The following CELSR1 variants were observed in gnomAD, a reference collection of about 807,000 sequenced individuals.
The protein encoded by CELSR1 is cadherin EGF LAG seven-pass G-type receptor 1.
CELSR1 carries 110 observed loss-of-function variants against 249.1 expected under a neutral mutation model. The observed-to-expected ratio is 0.44, with a 90% CI of 0.38 to 0.52. The LOEUF is 0.52. Ranked by LOEUF, CELSR1 falls within the 20% of genes least tolerant of loss-of-function variation. CELSR1 has a pLI of 0.00. For synonymous variants in CELSR1, 2,113 were observed against 1,900.0 expected, an observed-to-expected ratio of 1.11 and a Z score of -2.92; for missense variants, 4,109 against 4,296.4, an observed-to-expected ratio of 0.96 and a Z score of 1.22.
rs374356754 is a variant in CELSR1 at position 46,381,880 on chromosome 22, G to A, written c.7054C>T (p.Pro2352Ser). ...CGACGGTCGGGGTCGTAGCGCTCGG[G>A]CAGGAGCTGCCCCAGGGTGCGGTAA... ...IIYRTLGQLL[P>S]ERYDPDRRSL... Residue 2352 changes from proline to serine, a missense_variant, in exon 21 of 35, where the codon CCC becomes TCC. Pro to Ser is a moderately conservative substitution (Grantham distance 74). Around this residue, in one of 7 missense-constraint regions of CELSR1, gnomAD observed 1,805 missense variants for 1,831.6 expected, o/e 0.99. Coordinates refer to ENST00000674500, the MANE Select transcript of CELSR1 (RefSeq NM_001378328.1). This position sits in a 1 kb window ranked among gnomAD's most constrained non-coding sequence, Gnocchi z 6.0. 2.0e-4 allele frequency: 307 copies of A among 1,571,948 alleles called. No homozygotes were observed. Among genetic ancestry groups the A allele is most frequent in the Non-Finnish European group, 2.6e-4 (300 of 1,161,478 alleles).
At position 46,445,481 on chromosome 22, in the gene CELSR1, C is replaced by A. The variant is rs2079808109; in HGVS notation, c.4184-6070G>T. On this transcript the variant is annotated intron_variant, in intron 2 of 34. Transcript: ENST00000674500. The surrounding 1 kb of genome is among the most constrained non-coding windows in gnomAD (Gnocchi z 4.4). ...TTGCACTCCAGCCTGGGTGACAGAG[C>A]AAGACTGTCTCTAAAAAAATGAATA... is the stretch of plus-strand genomic sequence containing the variant. 6.6e-6 allele frequency among the ~76,000 whole-genome samples: 1 copy of A among 152,220 alleles called. No homozygotes were observed. Among genetic ancestry groups the A allele is most frequent in the East Asian group, 1.9e-4 (1 of 5,168 alleles).
chr22:46,466,185 GC>G (rs1049464692), intron 1 of CELSR1, among the ~76,000 whole-genome samples: 73 of 152,308 alleles, frequency 4.8e-4, no homozygotes, highest in African/African-American at 1.6e-3. Flanking sequence ...AACAAATGAG[GC>G]CAAAAGGCCT....
chr22:46,419,017 G>A (rs1164852607), intron 5 of CELSR1, among the ~76,000 whole-genome samples: 2 of 152,150 alleles, frequency 1.3e-5, no homozygotes, highest in Non-Finnish European at 2.9e-5. Flanking sequence ...CATGATCCCC[G>A]TGGTAGTTAA....
intron 1 of CELSR1, among the ~76,000 whole-genome samples, chr22:46,515,653 G>T (rs2080619386): frequency 6.6e-6 from 1 of 152,166 alleles, no homozygotes; most frequent in South Asian, 2.1e-4. Flanking sequence ...AGGCACAGAG[G>T]CTGAGGCTTT....
At position 46,484,250 on chromosome 22, in the gene CELSR1, G is replaced by GC. The variant is rs1352975867; in HGVS notation, c.3545-19906dup. ...AACCTGGCATCCACAGGGCCCACCAGCCCCAGCTGCTCAGTCCCAAGCAAG... is the reference window on the plus strand; with the variant it reads ...AACCTGGCATCCACAGGGCCCACCAGCCCCCAGCTGCTCAGTCCCAAGCAAG... On this transcript the variant is annotated intron_variant, in intron 1 of 34. Transcript: ENST00000674500. This position sits in a 1 kb window ranked among gnomAD's most constrained non-coding sequence, Gnocchi z 4.5. Among the ~76,000 whole-genome samples the GC allele has an allele frequency of 6.6e-6, 1 of 152,190 alleles. No individual in the cohort carries two copies. The highest frequency in any genetic ancestry group is 1.9e-4 in the East Asian group (1 of 5,154).
At position 46,433,959 on chromosome 22, in the gene CELSR1, G is replaced by A. The variant is rs557339346; in HGVS notation, c.4523-478C>T. ...TGGCCTCCCAAACTGCTGGGATAAC[G>A]GGCGTGAGCCACCGCGCCTGGCCTT... On this transcript the variant is annotated intron_variant, in intron 4 of 34. Transcript: ENST00000674500. The surrounding 1 kb of genome is among the most constrained non-coding windows in gnomAD (Gnocchi z 5.7). Among the ~76,000 whole-genome samples, 53 of 152,120 alleles carry A rather than the reference G, an allele frequency of 3.5e-4. No individual in the cohort carries two copies. Among genetic ancestry groups the A allele is most frequent in the Admixed American group, 3.0e-3 (46 of 15,294 alleles).
chr22:46,367,590 C>T, intron 28 of CELSR1, 139 bp downstream of exon 28: 1 of 1,228,380 alleles, frequency 8.1e-7, no homozygotes, highest in Non-Finnish European at 1.1e-6. Context: ...GGACTGAGTC[C>T]TCACAGCCAC....
intron 9 of CELSR1, among the ~76,000 whole-genome samples, chr22:46,404,719 C>A (rs770696535): frequency 2.6e-5 from 4 of 152,186 alleles, no homozygotes; most frequent in Non-Finnish European, 4.4e-5. Flanking sequence ...GAACTCCTGA[C>A]CTCAGGTGAT....
Position 46,396,467 on chromosome 22 carries a change from A to G in CELSR1, c.5843+138T>C. On this transcript the variant is annotated intron_variant, in intron 13 of 34. Coordinates refer to ENST00000674500, the MANE Select transcript of CELSR1 (RefSeq NM_001378328.1). This position sits in a 1 kb window ranked among gnomAD's most constrained non-coding sequence, Gnocchi z 6.4. Reference sequence around the variant, plus strand: ...TTTGATTTTCACTTAATTCATGCCAAATTAAAAAAAAATATGTCCCTGTTA... The same window carrying G: ...TTTGATTTTCACTTAATTCATGCCAGATTAAAAAAAAATATGTCCCTGTTA... 1.1e-6 allele frequency: 1 copy of G among 923,146 alleles called. No individual in the cohort carries two copies. The highest frequency in any genetic ancestry group is 1.4e-6 in the Non-Finnish European group (1 of 694,034). The allele number at this position is 923,146 out of a possible 1,614,324, so 57.2% of individuals were successfully genotyped here.
intron 1 of CELSR1, among the ~76,000 whole-genome samples, chr22:46,507,785 G>A (rs933501840): frequency 1.3e-5 from 2 of 152,216 alleles, no homozygotes; most frequent in African/African-American, 4.8e-5. Context: ...CTACAGGTGA[G>A]CACTGTGAAG....
chr22:46,373,682 A>AGAAGGGGGC (rs2078884490), intron 24 of CELSR1, among the ~76,000 whole-genome samples: 2 of 54,692 alleles, frequency 3.7e-5, no homozygotes, highest in African/African-American at 1.4e-4. Flanking sequence ...GAGATGGGGG[A>AGAAGGGGGC]GATGGGGGAG....
chr22:46,502,470 G>C (rs2080476266), intron 1 of CELSR1, among the ~76,000 whole-genome samples: 1 of 149,838 alleles, frequency 6.7e-6, no homozygotes, highest in Non-Finnish European at 1.5e-5. Flanking sequence ...GAAGGGGAAA[G>C]GGGAGGGAAG....
In CELSR1 at chr22:46,447,138, T is replaced by A. The variant is rs2079830142; in HGVS notation, c.4184-7727A>T. 6.6e-6 allele frequency among the ~76,000 whole-genome samples: 1 copy of A among 152,146 alleles called. No individual in the cohort carries two copies. The highest frequency in any genetic ancestry group is 2.4e-5 in the African/African-American group (1 of 41,446). On this transcript the variant is annotated intron_variant, in intron 2 of 34. Transcript: ENST00000674500. The surrounding 1 kb of genome is among the most constrained non-coding windows in gnomAD (Gnocchi z 4.7). ...ACCAACCCTCAGGGAGAATCCTGAA[T>A]TGGCGGCATTTGTAAACACTCCCAC...
chr22:46,485,824 A>C (rs1034815520), intron 1 of CELSR1, among the ~76,000 whole-genome samples: 3 of 152,016 alleles, frequency 2.0e-5, no homozygotes, highest in Non-Finnish European at 4.4e-5. Flanking sequence ...TGCAAACGTG[A>C]ACCCGTTTTG....
At position 46,394,199 on chromosome 22, in the gene CELSR1, G is replaced by A. The variant is rs375200950; in HGVS notation, c.5907C>T (p.Ala1969=). The A allele has an allele frequency of 7.6e-5, 123 of 1,613,952 alleles. No homozygotes were observed. The highest frequency in any genetic ancestry group is 1.0e-4 in the Non-Finnish European group (118 of 1,179,990). ...GNPVCGPCHC[A]VSKGFDPDCN... ...AGTCGGGATCAAAGCCTTTGCTGAC[G>A]GCACAGTGGCAGGGTCCACAGACGG... Residue 1969 remains alanine, a synonymous_variant, in exon 14 of 35, where the codon GCC becomes GCT. Coordinates refer to ENST00000674500, the MANE Select transcript of CELSR1 (RefSeq NM_001378328.1).
Position 46,464,095 on chromosome 22 carries a change from C to T in CELSR1, c.3795G>A (p.Leu1265=). The T allele has an allele frequency of 6.2e-7, 1 of 1,613,828 alleles. No individual in the cohort carries two copies. Among genetic ancestry groups the T allele is most frequent in the Non-Finnish European group, 8.5e-7 (1 of 1,180,042 alleles). Residue 1265 remains leucine (L), a synonymous_variant, in exon 2 of 35, where the codon CTG becomes CTA. Transcript: ENST00000674500. This position sits in a 1 kb window ranked among gnomAD's most constrained non-coding sequence, Gnocchi z 8.5. ...ACTGGCCGCGGACGCCGCCAGGCAG[C>T]AGCGCCGAGAAGGTCACGTTCAGGA... The part of the protein sequence containing the change: ...SNILNVTFSA[L]LPGGVRGQFF...
rs1413688024 is a variant in CELSR1 at position 46,447,079 on chromosome 22, T to C, written c.4184-7668A>G. Among the ~76,000 whole-genome samples the C allele has an allele frequency of 6.6e-6, 1 of 152,138 alleles. No individual in the cohort carries two copies. Among genetic ancestry groups the C allele is most frequent in the Non-Finnish European group, 1.5e-5 (1 of 68,024 alleles). ...TGCTAGCATGAGTGGATTACAGCGC[T>C]GTTTAAACAAGGTAACTGGAGGGGC... On this transcript the variant is annotated intron_variant, in intron 2 of 34. Transcript: ENST00000674500. This position sits in a 1 kb window ranked among gnomAD's most constrained non-coding sequence, Gnocchi z 4.7.
At chr22:46,403,312 G>A (rs1440724149) in intron 9 of CELSR1, among the ~76,000 whole-genome samples, 1 of 151,848 alleles carries the variant, frequency 6.6e-6, no homozygotes, top group African/African-American at 2.4e-5. Context: ...ACTTTGGGAG[G>A]CTGAGGCGGG....
intron 24 of CELSR1, among the ~76,000 whole-genome samples, chr22:46,376,228 T>G (rs554945909): frequency 1.3e-5 from 2 of 152,386 alleles, no homozygotes; most frequent in African/African-American, 4.8e-5. Flanking sequence ...TTCCCTTAAA[T>G]GTACTGGTGA....
Sources: allele counts gnomAD v4.1 joint callset (sites outside exome capture counted in the v4.1 genomes callset), GRCh38; gene constraint gnomAD v4.1.1; regional missense constraint gnomAD v4.1.1; non-coding constraint Gnocchi (gnomAD v3.1); transcripts MANE v1.5; gene names NCBI Gene and HGNC (gene_info 2026-07-23, HGNC 2026-07-21).